The following CAMK1 variants were observed in gnomAD, a reference collection of about 807,000 sequenced individuals.
The protein encoded by CAMK1 is calcium/calmodulin dependent protein kinase I, also known as calcium/calmodulin-dependent protein kinase type 1.
Under a neutral mutation model 49.1 loss-of-function variants are expected in CAMK1, and 39 were observed. The ratio of observed to expected loss-of-function variants is 0.79; its 90% CI spans 0.62 to 1.04. The LOEUF (loss-of-function observed/expected upper bound fraction) is 1.04, where lower values mean the gene tolerates loss of function less well. CAMK1 is among the 50% of genes least tolerant of loss of function. The probability of loss-of-function intolerance (pLI) is 0.00; values close to 1 mark genes in which losing one functional copy is unlikely to be tolerated. For synonymous variants in CAMK1, 192 were observed against 185.2 expected, an observed-to-expected ratio of 1.04 and a Z score of -0.30; for missense variants, 457 against 472.2, an observed-to-expected ratio of 0.97 and a Z score of 0.30.
Position 9,769,868 on chromosome 3 carries a change from C to T in CAMK1, c.-69G>A, listed in dbSNP as rs949687064. 1 of 152,212 alleles carries T rather than the reference C, an allele frequency of 6.6e-6. No individual in the cohort carries two copies. The highest frequency in any genetic ancestry group is 2.4e-5 in the African/African-American group (1 of 41,452). The allele number at this position is 152,212 out of a possible 1,614,324, so 9.4% of individuals were successfully genotyped here. Reference sequence around the variant, plus strand: ...CCGCCGCGGGGCTGGCTGGGAGGCCCGCGGTGGTTGGCGCCGAGCTGTGGC... The same window carrying T: ...CCGCCGCGGGGCTGGCTGGGAGGCCTGCGGTGGTTGGCGCCGAGCTGTGGC... On this transcript the variant is annotated 5_prime_UTR_variant, in exon 1 of 12. Transcript: ENST00000256460.
chr3:9,758,001 A>G (rs1435351397), intron 10 of CAMK1, 155 bp from the exon 11 acceptor site: 68 of 1,254,398 alleles, frequency 5.4e-5, no homozygotes, highest in Non-Finnish European at 6.8e-5. Flanking sequence ...AAACCTCTAC[A>G]AGGCTTTATT....
Position 9,762,985 on chromosome 3 carries a change from G to C in CAMK1, c.358C>G (p.Arg120Gly), listed in dbSNP as rs766533357. The C allele has an allele frequency of 1.2e-6, 2 of 1,614,132 alleles. No individual in the cohort carries two copies. The highest frequency in any genetic ancestry group is 1.7e-6 in the Non-Finnish European group (2 of 1,180,034). Residue 120 changes from arginine (R) to glycine (G), a missense_variant, in exon 5 of 12, where the codon CGC becomes GGC. Transcript: ENST00000256460. ...GCATCCAGCACCTGGAAGATGAGGC[G>C]GCTGGCGTCCCGCTCCGTGTAGAAG... ...KGFYTERDAS[R>G]LIFQVLDAVK...
At chr3:9,758,352 C>A (rs1434565191) in intron 10 of CAMK1, 1 of 155,296 alleles carries the variant, frequency 6.4e-6, no homozygotes, top group East Asian at 1.9e-4. Flanking sequence ...TGTTTCTGTC[C>A]CTGTGATAAC....
In CAMK1 at chr3:9,759,735, C is replaced by A. The variant is rs139097636; in HGVS notation, c.761G>T (p.Arg254Leu). The change falls in exon 9 of 12, where the codon CGG becomes CTG. Residue 254 changes from arginine to leucine, a missense_variant. Transcript: ENST00000256460. The part of the protein sequence containing the change: ...DISDSAKDFI[R>L]HLMEKDPEKR... ...CTCTGGGTCCTTCTCCATCAAGTGCCGGATGAAATCTTTGGCTAAACCCCC... is the reference window on the plus strand; with the variant it reads ...CTCTGGGTCCTTCTCCATCAAGTGCAGGATGAAATCTTTGGCTAAACCCCC... 4.3e-6 allele frequency: 7 copies of A among 1,613,982 alleles called. No individual in the cohort carries two copies. In the East Asian group the frequency reaches 1.1e-4, roughly 26 times the overall value.
At chr3:9,768,153 C>T (rs2078206375) in intron 1 of CAMK1, among the ~76,000 whole-genome samples, 1 of 152,190 alleles carries the variant, frequency 6.6e-6, no homozygotes, top group Non-Finnish European at 1.5e-5. Flanking sequence ...CCCCTGTCCC[C>T]AGAACCAGTG....
intron 5 of CAMK1, among the ~76,000 whole-genome samples, chr3:9,762,680 T>TA (rs556200287): frequency 7.4e-4 from 112 of 152,250 alleles, no homozygotes; most frequent in African/African-American, 2.6e-3. Context: ...TTTTTTTTTT[T>TA]AATCAGAAAA....
intron 10 of CAMK1, chr3:9,758,968 T>G: frequency 1.9e-6 from 1 of 539,986 alleles, no homozygotes. Flanking sequence ...TTGCCTAAGA[T>G]TCTTCTGGGG....
Position 9,761,972 on chromosome 3 carries a change from C to T in CAMK1, c.430-215G>A, listed in dbSNP as rs532570739. On this transcript the variant is annotated intron_variant, in intron 5 of 11. Coordinates refer to ENST00000256460, the MANE Select transcript of CAMK1 (RefSeq NM_003656.5). ...GGTGTGGGGGGGAACTGTCTCTAAA[C>T]CTCAGGTGTGCACTGTAAAGCCCTA... 8.0e-4 allele frequency: 476 copies of T among 596,274 alleles called. 1 individual carries two copies. Among genetic ancestry groups the T allele is most frequent in the Non-Finnish European group, 1.1e-3 (396 of 349,502 alleles). The allele number at this position is 596,274 out of a possible 1,614,324, so 36.9% of individuals were successfully genotyped here. A position where few individuals can be genotyped will look rare whatever the true frequency, so the allele number is the denominator to read the frequency against.
chr3:9,761,591 T>TC, intron 6 of CAMK1, 40 bp downstream of exon 6: 1 of 1,613,084 alleles, frequency 6.2e-7, no homozygotes, highest in Non-Finnish European at 8.5e-7. Context: ...AACTCCTGGT[T>TC]CCCCCCACCA....
intron 2 of CAMK1, 109 bp downstream of exon 2, chr3:9,767,558 C>A: frequency 1.4e-6 from 2 of 1,428,914 alleles, no homozygotes; most frequent in Non-Finnish European, 1.9e-6. Flanking sequence ...ATAGTGCTGC[C>A]ACAGGGCCTG....
intron 1 of CAMK1, among the ~76,000 whole-genome samples, 186 bp from the exon 2 acceptor site, chr3:9,767,967 C>T (rs2078201344): frequency 1.3e-5 from 2 of 152,204 alleles, no homozygotes; most frequent in African/African-American, 2.4e-5. Context: ...TAGAGAAAAA[C>T]CTTTCACAGT....
chr3:9,759,754 AACCCCC>A lies in CAMK1; in HGVS notation c.746-10_746-5del. On this transcript the variant is annotated splice_region_variant and splice_polypyrimidine_tract_variant and intron_variant, in intron 8 of 11. Coordinates refer to ENST00000256460, the MANE Select transcript of CAMK1 (RefSeq NM_003656.5). ...AAGTGCCGGATGAAATCTTTGGCTA[AACCCCC>A]AAGACAAAAGCAAAGATAATGACAG... is the stretch of plus-strand genomic sequence containing the variant. 1 of 1,614,062 alleles carries A rather than the reference AACCCCC, an allele frequency of 6.2e-7. No individual in the cohort carries two copies. The highest frequency in any genetic ancestry group is 8.5e-7 in the Non-Finnish European group (1 of 1,179,992).
intron 5 of CAMK1, chr3:9,762,018 T>C: frequency 2.6e-6 from 1 of 390,318 alleles, no homozygotes; most frequent in Non-Finnish European, 4.7e-6. Context: ...TGAATGCCTA[T>C]TTTATGCCAG....
In CAMK1 at chr3:9,761,669, C is replaced by T. The variant is rs2077880852; in HGVS notation, c.518G>A (p.Ser173Asn). The part of the protein sequence containing the change: ...FGLSKMEDPG[S>N]VLSTACGTPG... ...AGTTCCACAGGCGGTGGAGAGCACA[C>T]TGCCCGGGTCCTCCATCTTGGAGAG... Residue 173 changes from serine to asparagine, a missense_variant, in exon 6 of 12, where the codon AGT (serine) becomes AAT (asparagine). Coordinates refer to ENST00000256460, the MANE Select transcript of CAMK1 (RefSeq NM_003656.5). 6.2e-7 allele frequency: 1 copy of T among 1,614,204 alleles called. No homozygotes were observed. The highest frequency in any genetic ancestry group is 8.5e-7 in the Non-Finnish European group (1 of 1,180,034).
chr3:9,766,209 A>G, intron 2 of CAMK1: 1 of 744,666 alleles, frequency 1.3e-6, no homozygotes, highest in Non-Finnish European at 2.4e-6. Context: ...CCACCTGGGG[A>G]GAGCCTGCTT....
At chr3:9,763,986 C>CAA (rs1463561203) in intron 3 of CAMK1, among the ~76,000 whole-genome samples, 10 of 151,634 alleles carry the variant, frequency 6.6e-5, no homozygotes, top group African/African-American at 2.4e-4. Context: ...AACTCCATCT[C>CAA]AAAAAAAATA....
chr3:9,766,824 C>G (rs61620061), intron 2 of CAMK1: 2,525 of 177,668 alleles, frequency 0.014, 66 homozygotes, highest in African/African-American at 0.056. Flanking sequence ...TTGTCCCTCT[C>G]CAATTTACCC....
intron 8 of CAMK1, chr3:9,760,344 G>T: frequency 3.5e-6 from 1 of 287,126 alleles, no homozygotes; most frequent in Non-Finnish European, 6.7e-6. Flanking sequence ...TCTTAATAGG[G>T]GGCACAAAAG....
At chr3:9,759,175 C>G in intron 10 of CAMK1, 1 of 1,603,770 alleles carries the variant, frequency 6.2e-7, no homozygotes, top group East Asian at 2.2e-5. Context: ...CTAATTCCTA[C>G]TTAACTGACA....
Sources: allele counts gnomAD v4.1 joint callset (sites outside exome capture counted in the v4.1 genomes callset), GRCh38; gene constraint gnomAD v4.1.1; transcripts MANE v1.5; gene names NCBI Gene and HGNC (gene_info 2026-07-23, HGNC 2026-07-21).